Variants in FOXP2 observed in about 807,000 individuals in gnomAD.
The protein encoded by FOXP2 is forkhead box protein P2.
FOXP2 carries 12 observed loss-of-function variants against 115.8 expected under a neutral mutation model. The ratio of observed to expected loss-of-function variants is 0.10; its 90% CI spans 0.07 to 0.17. The LOEUF is 0.17. Among genes scored for constraint, FOXP2 ranks in the 10% least tolerant of loss-of-function variants. FOXP2 has a pLI of 1.00. For missense variants in FOXP2, 629 were observed against 843.5 expected, an observed-to-expected ratio of 0.75 and a Z score of 3.15; for synonymous variants, 328 against 297.7, an observed-to-expected ratio of 1.10 and a Z score of -1.05.
chr7:114,597,573 A>G (rs1176989503), intron 3 of FOXP2, among the ~76,000 whole-genome samples: 1 of 152,122 alleles, frequency 6.6e-6, no homozygotes, highest in African/African-American at 2.4e-5. Context: ...CAGTAAGCCA[A>G]TGTGCATCCA....
intron 1 of FOXP2, among the ~76,000 whole-genome samples, chr7:114,205,571 A>C (rs1162361897): frequency 6.6e-6 from 1 of 152,170 alleles, no homozygotes; most frequent in Non-Finnish European, 1.5e-5. Context: ...AGTTTTAGTA[A>C]GTCAGGTCAT....
intron 2 of FOXP2, among the ~76,000 whole-genome samples, chr7:114,432,419 A>C (rs1303817791): frequency 6.6e-6 from 1 of 151,980 alleles, no homozygotes; most frequent in East Asian, 1.9e-4. Context: ...GATTGGATTA[A>C]TTTACACTCT....
chr7:114,457,532 A>G (rs1795362495), intron 2 of FOXP2, among the ~76,000 whole-genome samples: 1 of 152,208 alleles, frequency 6.6e-6, no homozygotes, highest in African/African-American at 2.4e-5. Context: ...TTTTTAAATA[A>G]TTTATAGATT....
chr7:114,503,651 T>C (rs1160953683), intron 2 of FOXP2, among the ~76,000 whole-genome samples: 1 of 151,090 alleles, frequency 6.6e-6, no homozygotes, highest in Non-Finnish European at 1.5e-5. Flanking sequence ...GTTGGAATTT[T>C]GTCTTTTAAG....
intron 1 of FOXP2, among the ~76,000 whole-genome samples, chr7:114,270,322 C>T (rs562519279): frequency 2.7e-4 from 41 of 152,254 alleles, no homozygotes; most frequent in African/African-American, 9.6e-4. Context: ...ATTTTCAGTT[C>T]ATTTGGCTAA....
intron 1 of FOXP2, among the ~76,000 whole-genome samples, chr7:114,191,777 C>G (rs971018362): frequency 6.6e-6 from 1 of 152,090 alleles, no homozygotes; most frequent in Non-Finnish European, 1.5e-5. Context: ...GTATTATTAG[C>G]CAAAATCCAG....
chr7:114,685,922 C>T (rs536428954), intron 16 of FOXP2, among the ~76,000 whole-genome samples: 25 of 150,636 alleles, frequency 1.7e-4, no homozygotes, highest in African/African-American at 6.1e-4. Context: ...ATAAGATGAA[C>T]TATGAACTTA....
At chr7:114,339,730 G>A (rs1791153376) in intron 2 of FOXP2, among the ~76,000 whole-genome samples, 1 of 150,930 alleles carries the variant, frequency 6.6e-6, no homozygotes. Flanking sequence ...AACTATTTTT[G>A]TGACTGTATT....
At chr7:114,473,331 G>C (rs1385022662) in intron 2 of FOXP2, among the ~76,000 whole-genome samples, 3 of 152,116 alleles carry the variant, frequency 2.0e-5, no homozygotes, top group Non-Finnish European at 2.9e-5. Context: ...CCAAACCTTG[G>C]TGCCAGAATG....
chr7:114,364,033 C>G (rs1527149), intron 2 of FOXP2, among the ~76,000 whole-genome samples: 54,482 of 152,012 alleles, frequency 0.36, 10,470 homozygotes, highest in East Asian at 0.53. Flanking sequence ...GAATTAAACA[C>G]TATCCTAAAT....
At chr7:114,575,711 G>A (rs1316508496) in intron 3 of FOXP2, among the ~76,000 whole-genome samples, 1 of 151,832 alleles carries the variant, frequency 6.6e-6, no homozygotes, top group East Asian at 1.9e-4. Flanking sequence ...AGCACATGAA[G>A]ATACAAAGTT....
In FOXP2 at chr7:114,148,704, G is replaced by A. The variant is rs527394348; in HGVS notation, c.-246-14240G>A. On this transcript the variant is annotated intron_variant, in intron 1 of 19. Transcript: ENST00000635638. ...ATTCACTATGTTGTTGAAAGACATG[G>A]CTATCAATCACATATAATGAAGCCA... Among the ~76,000 whole-genome samples, 128 of 152,228 alleles carry A rather than the reference G, an allele frequency of 8.4e-4. No homozygotes were observed. The South Asian group carries it at 0.011, about 14-fold the overall frequency.
At chr7:114,464,847 T>C (rs1795735588) in intron 2 of FOXP2, among the ~76,000 whole-genome samples, 1 of 152,238 alleles carries the variant, frequency 6.6e-6, no homozygotes. Flanking sequence ...GACATACTAC[T>C]CTACTCATCA....
At chr7:114,419,747 C>CACACACACACACACACACACA (rs71314645) in intron 1 of FOXP2, 1 of 151,338 alleles carries the variant, frequency 6.6e-6, no homozygotes, top group Admixed American at 6.6e-5. Context: ...CACACACACA[C>CACACACACACACACACACACA]CCCAGAAAGG....
chr7:114,515,114 T>A lies in FOXP2; in HGVS notation c.169-19503T>A, dbSNP rs1426879218. Among the ~76,000 whole-genome samples, 6 of 149,556 alleles carry A rather than the reference T, an allele frequency of 4.0e-5. No homozygotes were observed. The East Asian group carries it at 5.8e-4, about 15-fold the overall frequency. On this transcript the variant is annotated intron_variant, in intron 2 of 16. Coordinates refer to ENST00000350908, the MANE Select transcript of FOXP2 (RefSeq NM_014491.4). ...TGCCACATTTTCTTAATCCAGTCTA[T>A]CATTGTTGGACATTTGGGTTGGTTC... is the stretch of plus-strand genomic sequence containing the variant.
chr7:114,305,033 CA>C (rs2129178990), intron 2 of FOXP2, among the ~76,000 whole-genome samples: 1 of 152,114 alleles, frequency 6.6e-6, no homozygotes, highest in South Asian at 2.1e-4. Flanking sequence ...AAAAGATTGT[CA>C]TTTTTATGAT....
intron 1 of FOXP2, among the ~76,000 whole-genome samples, chr7:114,422,601 A>G (rs992441119): frequency 6.6e-6 from 1 of 151,718 alleles, no homozygotes; most frequent in African/African-American, 2.4e-5. Flanking sequence ...GATAGGGAGC[A>G]TAAGAAACAG....
chr7:114,362,868 G>T (rs1473613604), intron 2 of FOXP2, among the ~76,000 whole-genome samples: 1 of 152,088 alleles, frequency 6.6e-6, no homozygotes, highest in Non-Finnish European at 1.5e-5. Flanking sequence ...GGAATTAAGA[G>T]GAGCATAGCT....
chr7:114,405,055 T>C (rs954436502), intron 2 of FOXP2, among the ~76,000 whole-genome samples: 1 of 151,948 alleles, frequency 6.6e-6, no homozygotes, highest in Non-Finnish European at 1.5e-5. Context: ...TGCTTTTTGA[T>C]GAAGTAGAAA....
Sources: allele counts gnomAD v4.1 joint callset (sites outside exome capture counted in the v4.1 genomes callset), GRCh38; gene constraint gnomAD v4.1.1; transcripts MANE v1.5; gene names NCBI Gene and HGNC (gene_info 2026-07-23, HGNC 2026-07-21).